The following TANGO6 variants were observed in gnomAD, a reference collection of about 807,000 sequenced individuals.
TANGO6 encodes the protein transport and Golgi organization protein 6 homolog.
TANGO6 carries 90 observed loss-of-function variants against 114.2 expected under a neutral mutation model. The observed-to-expected ratio is 0.79, with a 90% CI of 0.66 to 0.94. The LOEUF is 0.94. Ranked by LOEUF, TANGO6 falls within the 40% of genes least tolerant of loss-of-function variation. The probability of loss-of-function intolerance (pLI) is 0.00; values close to 1 mark genes in which losing one functional copy is unlikely to be tolerated. For missense variants in TANGO6, 1,274 were observed against 1,315.3 expected, an observed-to-expected ratio of 0.97 and a Z score of 0.49; for synonymous variants, 477 against 509.8, an observed-to-expected ratio of 0.94 and a Z score of 0.87.
Position 68,927,991 on chromosome 16 carries a change from A to C in TANGO6, c.2551A>C (p.Ile851Leu). ...EVLLSAYDPQ[I>L]PTRAAALRTL... Reference sequence around the variant, plus strand: ...TCTTTTGTCAGCTTATGACCCTCAAATTCCAACACGGGCTGCTGCCCTGCG... The same window carrying C: ...TCTTTTGTCAGCTTATGACCCTCAACTTCCAACACGGGCTGCTGCCCTGCG... Residue 851 changes from isoleucine to leucine, a missense_variant, in exon 13 of 18, where the codon ATT becomes CTT. By Grantham distance (5) the Ile-to-Leu change is conservative. Transcript: ENST00000261778. The C allele has an allele frequency of 1.1e-5, 17 of 1,613,048 alleles. No homozygotes were observed. The highest frequency in any genetic ancestry group is 1.4e-5 in the Non-Finnish European group (16 of 1,179,528).
At chr16:68,979,600 T>C (rs1282278261) in intron 15 of TANGO6, among the ~76,000 whole-genome samples, 1 of 152,134 alleles carries the variant, frequency 6.6e-6, no homozygotes, top group Admixed American at 6.6e-5. Context: ...ATATTATCAA[T>C]GTTTGTCTGT....
intron 17 of TANGO6, among the ~76,000 whole-genome samples, chr16:69,046,563 G>A (rs969390823): frequency 2.6e-5 from 4 of 151,934 alleles, no homozygotes; most frequent in Admixed American, 6.6e-5. Context: ...TGATCTGCCC[G>A]CCTCAGCCTC....
At chr16:69,074,780 T>G (rs1960346671) in intron 17 of TANGO6, among the ~76,000 whole-genome samples, 1 of 149,922 alleles carries the variant, frequency 6.7e-6, no homozygotes, top group African/African-American at 2.5e-5. Context: ...CAAAATGGAG[T>G]CACTCTGGTT....
chr16:68,891,241 G>A (rs1186588413), intron 7 of TANGO6, among the ~76,000 whole-genome samples: 1 of 147,934 alleles, frequency 6.8e-6, no homozygotes, highest in Non-Finnish European at 1.5e-5. Flanking sequence ...GCAGTAGGCC[G>A]AGATCGCACC....
chr16:69,042,269 G>A (rs777260062), intron 17 of TANGO6, among the ~76,000 whole-genome samples: 53 of 152,086 alleles, frequency 3.5e-4, no homozygotes, highest in South Asian at 1.2e-3. Context: ...TTCTGTAGCC[G>A]GGCGGGGTGG....
intron 6 of TANGO6, among the ~76,000 whole-genome samples, chr16:68,879,131 T>C (rs1962417455): frequency 6.6e-6 from 1 of 152,130 alleles, no homozygotes; most frequent in Non-Finnish European, 1.5e-5. Flanking sequence ...GAAAGACTTA[T>C]TATAAAACTT....
intron 11 of TANGO6, among the ~76,000 whole-genome samples, chr16:68,915,016 G>T (rs1003228683): frequency 3.3e-5 from 5 of 149,996 alleles, no homozygotes; most frequent in Non-Finnish European, 7.4e-5. Context: ...GATAGTGGAG[G>T]ATGGGCGCAG....
chr16:69,045,083 G>A (rs1430239440), intron 17 of TANGO6, among the ~76,000 whole-genome samples: 2 of 151,370 alleles, frequency 1.3e-5, no homozygotes, highest in African/African-American at 4.9e-5. Context: ...TTTGAACCGG[G>A]AGGCAAAGGT....
chr16:68,965,208 G>C (rs1313053741), intron 14 of TANGO6, among the ~76,000 whole-genome samples: 1 of 151,878 alleles, frequency 6.6e-6, no homozygotes, highest in Non-Finnish European at 1.5e-5. Flanking sequence ...CACCCAGGCT[G>C]GAGTGCAGTG....
At position 68,953,141 on chromosome 16, in the gene TANGO6, T is replaced by G. The variant is rs1050146308; in HGVS notation, c.2702-20887T>G. ...CTCTGTCTCCCAAGCTGGAGTGCAG[T>G]GGCACAATCTTGGCTCACTGCAACC... is the stretch of plus-strand genomic sequence containing the variant. On this transcript the variant is annotated intron_variant, in intron 14 of 17. Transcript: ENST00000261778. Among the ~76,000 whole-genome samples, 7 of 151,582 alleles carry G rather than the reference T, an allele frequency of 4.6e-5. 1 individual carries two copies. Among genetic ancestry groups the G allele is most frequent in the Admixed American group, 4.6e-4 (7 of 15,162 alleles).
chr16:68,915,057 G>A (rs1962981946), intron 11 of TANGO6, among the ~76,000 whole-genome samples: 2 of 151,028 alleles, frequency 1.3e-5, no homozygotes, highest in Non-Finnish European at 2.9e-5. Context: ...AGCACTTTGG[G>A]AGGCTACTCG....
intron 1 of TANGO6, among the ~76,000 whole-genome samples, chr16:68,847,259 A>C (rs1287102147): frequency 6.6e-6 from 1 of 152,228 alleles, no homozygotes; most frequent in Non-Finnish European, 1.5e-5. Context: ...CTCATAGTAC[A>C]TTCTTGAGAA....
rs959359102 is a variant in TANGO6 at position 68,877,961 on chromosome 16, T to G, written c.1132-157T>G. The G allele has an allele frequency of 4.6e-6, 3 of 651,386 alleles. No homozygotes were observed. In the African/African-American group the frequency reaches 5.7e-5, roughly 12 times the overall value. The allele number at this position is 651,386 out of a possible 1,614,324, so 40.4% of individuals were successfully genotyped here. A position where few individuals can be genotyped will look rare whatever the true frequency, so the allele number is the denominator to read the frequency against. ...CACTGCCTGTTCAGCTCTCTTACCCTTTGATACTGGGTATGTTAAATTAAA... is the reference window on the plus strand; with the variant it reads ...CACTGCCTGTTCAGCTCTCTTACCCGTTGATACTGGGTATGTTAAATTAAA... On this transcript the variant is annotated intron_variant, in intron 5 of 17. Coordinates refer to ENST00000261778, the MANE Select transcript of TANGO6 (RefSeq NM_024562.2).
At chr16:68,922,939 G>GGTTTTTTTTTTTTTT (rs1555523768) in intron 12 of TANGO6, among the ~76,000 whole-genome samples, 1 of 79,052 alleles carries the variant, frequency 1.3e-5, no homozygotes, top group African/African-American at 5.3e-5. Context: ...CTTAGGTCAT[G>GGTTTTTTTTTTTTTT]TTTTTTTTTT....
chr16:69,071,643 T>C (rs1960297673), intron 17 of TANGO6, among the ~76,000 whole-genome samples: 1 of 152,246 alleles, frequency 6.6e-6, no homozygotes, highest in African/African-American at 2.4e-5. Context: ...TAGAGCCTTT[T>C]TTCTTCCTCT....
chr16:68,843,785 C>A, intron 1 of TANGO6, 74 bp downstream of exon 1: 1 of 1,482,044 alleles, frequency 6.7e-7, no homozygotes, highest in Non-Finnish European at 9.4e-7. Context: ...GCTGCCCTGC[C>A]TTCCGCAGCG....
rs1272069627 is a variant in TANGO6 at position 68,906,572 on chromosome 16, C to CT, written c.1668-859dup. Reference sequence around the variant, plus strand: ...GTAATAGTAATTCTCCAACATCCATCTTTTTTTTTTTTGTAGAAATGAGAT... The same window carrying CT: ...GTAATAGTAATTCTCCAACATCCATCTTTTTTTTTTTTTGTAGAAATGAGAT... On this transcript the variant is annotated intron_variant, in intron 9 of 17. Coordinates refer to ENST00000261778, the MANE Select transcript of TANGO6 (RefSeq NM_024562.2). 4.5e-3 allele frequency among the ~76,000 whole-genome samples: 661 copies of CT among 145,794 alleles called. 2 individuals are homozygous for CT. Among genetic ancestry groups the CT allele is most frequent in the African/African-American group, 0.01 (418 of 40,074 alleles).
intron 7 of TANGO6, among the ~76,000 whole-genome samples, chr16:68,887,426 A>T (rs1962553980): frequency 6.6e-6 from 1 of 152,252 alleles, no homozygotes; most frequent in African/African-American, 2.4e-5. Flanking sequence ...GTTAGACTAA[A>T]TAAGGCACAA....
intron 14 of TANGO6, among the ~76,000 whole-genome samples, chr16:68,962,484 G>C (rs1281009462): frequency 6.6e-6 from 1 of 152,082 alleles, no homozygotes; most frequent in Non-Finnish European, 1.5e-5. Flanking sequence ...TTTTTTAAAT[G>C]AACTTATTTT....
Sources: allele counts gnomAD v4.1 joint callset (sites outside exome capture counted in the v4.1 genomes callset), GRCh38; gene constraint gnomAD v4.1.1; transcripts MANE v1.5; gene names NCBI Gene and HGNC (gene_info 2026-07-23, HGNC 2026-07-21).